The following EMILIN1 variants were observed in gnomAD, a reference collection of about 807,000 sequenced individuals.
The protein encoded by EMILIN1 is EMILIN-1.
In EMILIN1, 49 loss-of-function variants were observed where a neutral mutation model predicts 82.4. That is an observed-to-expected ratio of 0.59 (90% CI 0.47 to 0.75). The LOEUF is 0.75. Among genes scored for constraint, EMILIN1 ranks in the 30% least tolerant of loss-of-function variants. The pLI is 0.00. For synonymous variants in EMILIN1, 604 were observed against 602.2 expected, an observed-to-expected ratio of 1.00 and a Z score of -0.04; for missense variants, 1,313 against 1,366.4, an observed-to-expected ratio of 0.96 and a Z score of 0.62.
intron 1 of EMILIN1, 99 bp from the exon 2 acceptor site, chr2:27,080,052 G>A: frequency 7.2e-7 from 1 of 1,392,064 alleles, no homozygotes; most frequent in Non-Finnish European, 9.9e-7. Flanking sequence ...CAAGGGTTCT[G>A]CATCTTTGGA....
Position 27,085,739 on chromosome 2 carries a change from G to C in EMILIN1, c.2775G>C (p.Arg925=), listed in dbSNP as rs754525863. ...YLLSAVLTGH[R]HEKVEAVLSR... The stretch of plus-strand genomic sequence containing the variant: ...TGAGCGCGGTGCTGACTGGGCACCG[G>C]CACGAGAAAGTGGAGGCCGTGCTGT... Residue 925 remains arginine (R), a synonymous_variant, in exon 8 of 8, where the codon CGG becomes CGC. Transcript: ENST00000380320. 1 of 1,610,484 alleles carries C rather than the reference G, an allele frequency of 6.2e-7. No individual in the cohort carries two copies.
chr2:27,079,999 T>G, intron 1 of EMILIN1, 152 bp from the exon 2 acceptor site: 1 of 735,104 alleles, frequency 1.4e-6, no homozygotes, highest in East Asian at 2.8e-5. Flanking sequence ...GCGTGGGGGA[T>G]AGGGAGGGTG....
At position 27,082,639 on chromosome 2, in the gene EMILIN1, A is replaced by G. The variant is rs1228457099; in HGVS notation, c.1068A>G (p.Pro356=). The G allele has an allele frequency of 3.9e-6, 6 of 1,546,754 alleles. No homozygotes were observed. The East Asian group carries it at 1.2e-4, about 31-fold the overall frequency. ...GRRPPQECCS[P]ELGRRLAELE... The stretch of plus-strand genomic sequence containing the variant: ...GGCCCCCTCAGGAATGCTGCTCTCC[A>G]GAGCTGGGCCGGCGACTGGCAGAGC... Residue 356 remains proline, a synonymous_variant, in exon 4 of 8, where the codon CCA becomes CCG. Transcript: ENST00000380320.
intron 7 of EMILIN1, 85 bp downstream of exon 7, chr2:27,085,382 A>G (rs1383308542): frequency 2.0e-6 from 3 of 1,515,774 alleles, no homozygotes; most frequent in Non-Finnish European, 2.7e-6. Flanking sequence ...CTTTTCCGAC[A>G]GTGTGAATCT....
In EMILIN1 at chr2:27,083,178, A is replaced by G. The variant is rs36069611; in HGVS notation, c.1607A>G (p.Gln536Arg). Residue 536 changes from glutamine (Q) to arginine (R), a missense_variant, in exon 4 of 8, where the codon CAA becomes CGA. Transcript: ENST00000380320. ...CGGCAGGCCACGCTGGAGGGATTAC[A>G]AGAGGTTGTGGGCCGGCTCCAGGAT... ...EARQATLEGL[Q>R]EVVGRLQDRV... 3,018 of 1,610,726 alleles carry G rather than the reference A, an allele frequency of 1.9e-3. 51 individuals are homozygous for G. In the African/African-American group the frequency reaches 0.035, roughly 19 times the overall value.
Position 27,083,588 on chromosome 2 carries a change from G to A in EMILIN1, c.2017G>A (p.Ala673Thr), listed in dbSNP as rs775821871. Residue 673 changes from alanine to threonine, a missense_variant, in exon 4 of 8, where the codon GCT becomes ACT. Transcript: ENST00000380320. ...CCAGACCACTGTGGAGGGCCAGGGC[G>A]CTGATCTGGCTGACCTGGGGGCAAC... Reference protein sequence around the residue: ...ELQTTVEGQGADLADLGATKD... With the variant: ...ELQTTVEGQGTDLADLGATKD... The A allele has an allele frequency of 1.1e-5, 17 of 1,613,546 alleles. No individual in the cohort carries two copies. Among genetic ancestry groups the A allele is most frequent in the Admixed American group, 6.7e-5 (4 of 59,968 alleles).
At chr2:27,084,583 A>C in intron 5 of EMILIN1, 52 bp downstream of exon 5, 3 of 1,096,262 alleles carry the variant, frequency 2.7e-6, no homozygotes, top group South Asian at 1.2e-5. Flanking sequence ...GCCCCCTCCA[A>C]CCCTGACCCC....
chr2:27,082,764 C>A lies in EMILIN1; in HGVS notation c.1193C>A (p.Pro398Gln). The A allele has an allele frequency of 6.5e-7, 1 of 1,539,374 alleles. No homozygotes were observed. Among genetic ancestry groups the A allele is most frequent in the Non-Finnish European group, 8.7e-7 (1 of 1,148,994 alleles). The stretch of plus-strand genomic sequence containing the variant: ...GCCGCGGGGCAGGGAGGCCACCCCC[C>A]AGGCTACACCAGCTTGGCCTCCCGC... ...GGAAGQGGHPPGYTSLASRLS... is the reference protein window; with the variant it reads ...GGAAGQGGHPQGYTSLASRLS... Residue 398 changes from proline (P) to glutamine (Q), a missense_variant, in exon 4 of 8, where the codon CCA (proline) becomes CAA (glutamine). Coordinates refer to ENST00000380320, the MANE Select transcript of EMILIN1 (RefSeq NM_007046.4).
rs1669505639 is a variant in EMILIN1 at position 27,082,773 on chromosome 2, C to T, written c.1202C>T (p.Thr401Ile). ...AGQGGHPPGY[T>I]SLASRLSRLE... ...CAGGGAGGCCACCCCCCAGGCTACA[C>T]CAGCTTGGCCTCCCGCCTGTCTCGC... Residue 401 changes from threonine to isoleucine, a missense_variant, in exon 4 of 8, where the codon ACC (threonine) becomes ATC (isoleucine). Transcript: ENST00000380320. 1 of 1,539,658 alleles carries T rather than the reference C, an allele frequency of 6.5e-7. No homozygotes were observed. The highest frequency in any genetic ancestry group is 8.7e-7 in the Non-Finnish European group (1 of 1,149,250).
chr2:27,084,087 A>T, intron 4 of EMILIN1, 76 bp downstream of exon 4: 1 of 1,374,928 alleles, frequency 7.3e-7, no homozygotes, highest in Non-Finnish European at 9.6e-7. Flanking sequence ...CCCAGCTTCC[A>T]ACTCATCTGC....
In EMILIN1 at chr2:27,080,721, G is replaced by T. The variant is rs769480755; in HGVS notation, c.291-11G>T. ...GGGAGGAATAAAGAGGCCTCCTTCTGCCTCTGCCAGGTACCGCCGCTTCCT... is the reference window on the plus strand; with the variant it reads ...GGGAGGAATAAAGAGGCCTCCTTCTTCCTCTGCCAGGTACCGCCGCTTCCT... On this transcript the variant is annotated splice_polypyrimidine_tract_variant and intron_variant, in intron 2 of 7. Coordinates refer to ENST00000380320, the MANE Select transcript of EMILIN1 (RefSeq NM_007046.4). The T allele has an allele frequency of 6.2e-7, 1 of 1,608,134 alleles. No individual in the cohort carries two copies. Among genetic ancestry groups the T allele is most frequent in the Non-Finnish European group, 8.5e-7 (1 of 1,177,078 alleles).
At chr2:27,079,678 T>C (rs1669441191) in intron 1 of EMILIN1, among the ~76,000 whole-genome samples, 1 of 152,162 alleles carries the variant, frequency 6.6e-6, no homozygotes, top group South Asian at 2.1e-4. Flanking sequence ...AGTATAGAAC[T>C]GCAATCCCCA....
rs1669615497 is a variant in EMILIN1, at chr2:27,085,881, C to T, written c.2917C>T (p.Leu973Phe). Residue 973 changes from leucine to phenylalanine, a missense_variant, in exon 8 of 8, where the codon CTC (leucine) becomes TTC (phenylalanine). Coordinates refer to ENST00000380320, the MANE Select transcript of EMILIN1 (RefSeq NM_007046.4). The part of the protein sequence containing the change: ...PSPGTLGVFS[L>F]ILPLQAGDTV... The stretch of plus-strand genomic sequence containing the variant: ...CCCGGGCACCCTGGGCGTCTTCAGC[C>T]TCATCCTGCCGCTGCAGGCCGGGGA... 1.9e-6 allele frequency: 3 copies of T among 1,583,358 alleles called. No homozygotes were observed. The highest frequency in any genetic ancestry group is 1.8e-5 in the Admixed American group (1 of 56,532).
chr2:27,085,726 T>C lies in EMILIN1; in HGVS notation c.2762T>C (p.Leu921Pro). The C allele has an allele frequency of 6.2e-7, 1 of 1,609,448 alleles. No individual in the cohort carries two copies. The highest frequency in any genetic ancestry group is 8.5e-7 in the Non-Finnish European group (1 of 1,177,080). Residue 921 changes from leucine (L) to proline (P), a missense_variant, in exon 8 of 8, where the codon CTG (leucine) becomes CCG (proline). Leu to Pro is a moderately conservative substitution (Grantham distance 98). Coordinates refer to ENST00000380320, the MANE Select transcript of EMILIN1 (RefSeq NM_007046.4). ...GGACGCTACTTGCTGAGCGCGGTGC[T>C]GACTGGGCACCGGCACGAGAAAGTG... ...LAGRYLLSAVLTGHRHEKVEA... is the reference protein window; with the variant it reads ...LAGRYLLSAVPTGHRHEKVEA...
rs1171339190 is a variant in EMILIN1 at position 27,085,728 on chromosome 2, A to C, written c.2764A>C (p.Thr922Pro). Reference sequence around the variant, plus strand: ...ACGCTACTTGCTGAGCGCGGTGCTGACTGGGCACCGGCACGAGAAAGTGGA... The same window carrying C: ...ACGCTACTTGCTGAGCGCGGTGCTGCCTGGGCACCGGCACGAGAAAGTGGA... ...AGRYLLSAVL[T>P]GHRHEKVEAV... The change falls in exon 8 of 8, where the codon ACT becomes CCT. Residue 922 changes from threonine to proline, a missense_variant. Coordinates refer to ENST00000380320, the MANE Select transcript of EMILIN1 (RefSeq NM_007046.4). 1 of 1,609,634 alleles carries C rather than the reference A, an allele frequency of 6.2e-7. No homozygotes were observed. The highest frequency in any genetic ancestry group is 8.5e-7 in the Non-Finnish European group (1 of 1,177,248).
rs750534319 is a variant in EMILIN1, at chr2:27,080,759, C to T, written c.318C>T (p.Tyr106=). 1 of 1,613,702 alleles carries T rather than the reference C, an allele frequency of 6.2e-7. No homozygotes were observed. Among genetic ancestry groups the T allele is most frequent in the South Asian group, 1.1e-5 (1 of 90,994 alleles). ...IMYRRFLRPR[Y]RVAYKTVTDM... Reference sequence around the variant, plus strand: ...ACCGCCGCTTCCTCCGCCCTCGCTACCGTGTGGCCTACAAGACAGTGACCG... The same window carrying T: ...ACCGCCGCTTCCTCCGCCCTCGCTATCGTGTGGCCTACAAGACAGTGACCG... The change falls in exon 3 of 8, where the codon TAC becomes TAT. Residue 106 remains tyrosine, a synonymous_variant. Coordinates refer to ENST00000380320, the MANE Select transcript of EMILIN1 (RefSeq NM_007046.4).
In EMILIN1 at chr2:27,085,699, C is replaced by A; in HGVS notation, c.2735C>A (p.Ala912Asp). 2 of 1,601,428 alleles carry A rather than the reference C, an allele frequency of 1.2e-6. No individual in the cohort carries two copies. The highest frequency in any genetic ancestry group is 1.7e-5 in the Admixed American group (1 of 59,786). ...PETGVFTAPL[A>D]GRYLLSAVLT... ...CCAGGCGTGTTCACAGCGCCACTGG[C>A]TGGACGCTACTTGCTGAGCGCGGTG... The change falls in exon 8 of 8, where the codon GCT (alanine) becomes GAT (aspartate). Residue 912 changes from alanine (A) to aspartate (D), a missense_variant. Transcript: ENST00000380320.
In EMILIN1 at chr2:27,086,176, G is replaced by A. The variant is rs531518498; in HGVS notation, c.*161G>A. 2 of 466,594 alleles carry A rather than the reference G, an allele frequency of 4.3e-6. No individual in the cohort carries two copies. The highest frequency in any genetic ancestry group is 1.0e-4 in the South Asian group (1 of 10,010). The allele number at this position is 466,594 out of a possible 1,614,324, so 28.9% of individuals were successfully genotyped here. A position where few individuals can be genotyped will look rare whatever the true frequency, so the allele number is the denominator to read the frequency against. On this transcript the variant is annotated 3_prime_UTR_variant, in exon 8 of 8. Transcript: ENST00000380320. ...AGCGGCCTCTCCCCACGCCCGGGGC[G>A]CGCCGGCTCAGGGAGGCTCGGGGCC...
At position 27,085,831 on chromosome 2, in the gene EMILIN1, A is replaced by G; in HGVS notation, c.2867A>G (p.Lys956Arg). Residue 956 changes from lysine (K) to arginine (R), a missense_variant, in exon 8 of 8, where the codon AAG (lysine) becomes AGG (arginine). By Grantham distance (26) the Lys-to-Arg change is conservative. Transcript: ENST00000380320. ...GGYEPEGLENKPVAESQPSPG... is the reference protein window; with the variant it reads ...GGYEPEGLENRPVAESQPSPG... ...TACGAGCCTGAGGGCCTGGAGAATAAGCCGGTGGCCGAGAGCCAGCCCAGC... is the reference window on the plus strand; with the variant it reads ...TACGAGCCTGAGGGCCTGGAGAATAGGCCGGTGGCCGAGAGCCAGCCCAGC... 6.2e-7 allele frequency: 1 copy of G among 1,611,544 alleles called. No individual in the cohort carries two copies. Among genetic ancestry groups the G allele is most frequent in the South Asian group, 1.1e-5 (1 of 90,996 alleles).
Sources: gnomAD v4.1 joint callset for allele counts (sites outside exome capture counted in the v4.1 genomes callset) on GRCh38, gnomAD v4.1.1 for gene constraint, MANE v1.5 for transcripts, NCBI Gene and HGNC (gene_info 2026-07-23, HGNC 2026-07-21) for gene names.